The following TSPAN1 variants were observed in gnomAD, a reference collection of about 807,000 sequenced individuals.
TSPAN1 encodes tetraspanin-1.
In TSPAN1, 23 loss-of-function variants were observed where a neutral mutation model predicts 26.9. The observed-to-expected ratio is 0.85, with a 90% CI of 0.62 to 1.21. The LOEUF (loss-of-function observed/expected upper bound fraction) is 1.21, where lower values mean the gene tolerates loss of function less well. TSPAN1 is among the 50% of genes most tolerant of loss of function. TSPAN1 has a pLI of 0.00. For missense variants in TSPAN1, 283 were observed against 298.4 expected, an observed-to-expected ratio of 0.95 and a Z score of 0.38; for synonymous variants, 115 against 114.8, an observed-to-expected ratio of 1.00 and a Z score of -0.01.
Position 46,185,725 on chromosome 1 carries a change from A to G in TSPAN1, c.*192A>G, listed in dbSNP as rs575522016. On this transcript the variant is annotated 3_prime_UTR_variant, in exon 9 of 9. Transcript: ENST00000372003. ...TTAGGCGATGCCTGACTTTCCTTCC[A>G]TTGGTGGGTGGATGGGTGGGGGGCA... 1.7e-4 allele frequency: 112 copies of G among 645,328 alleles called. No homozygotes were observed. Among genetic ancestry groups the G allele is most frequent in the African/African-American group, 1.7e-3 (91 of 54,902 alleles). The allele number at this position is 645,328 out of a possible 1,614,324, so 40.0% of individuals were successfully genotyped here.
chr1:46,179,852 C>A (rs3820082), intron 1 of TSPAN1, among the ~76,000 whole-genome samples: 27,361 of 151,928 alleles, frequency 0.18, 2,692 homozygotes, highest in South Asian at 0.39. Context: ...TGTGAGGTTT[C>A]ATGGAGGGAA....
intron 1 of TSPAN1, chr1:46,176,164 CG>C: frequency 6.6e-7 from 1 of 1,519,830 alleles, no homozygotes; most frequent in Non-Finnish European, 8.8e-7. Context: ...CATGAGCCAC[CG>C]CACCCAGCCT....
chr1:46,186,036 A>C (rs1235625324), downstream of TSPAN1: 3 of 163,664 alleles, frequency 1.8e-5, no homozygotes, highest in Admixed American at 5.5e-5. Context: ...GCCAACTCAG[A>C]AGGCCCTGGA....
At chr1:46,196,134 G>C in the TSPAN1 span, 8 of 1,612,096 alleles carry the variant, frequency 5.0e-6, no homozygotes, top group Non-Finnish European at 6.8e-6. The surrounding 1 kb of genome is among the most constrained non-coding windows in gnomAD (Gnocchi z 4.4). Flanking sequence ...AGGTGTCTCT[G>C]TCTTAGGGGT....
the TSPAN1 span, chr1:46,193,264 G>A: frequency 6.2e-7 from 1 of 1,614,010 alleles, no homozygotes; most frequent in Non-Finnish European, 8.5e-7. Flanking sequence ...GTAGAAGGCA[G>A]AGCCAGGTGT....
chr1:46,185,115 G>T lies in TSPAN1; in HGVS notation c.594G>T (p.Glu198Asp). The change falls in exon 7 of 9, where the codon GAG becomes GAT. Residue 198 changes from glutamate to aspartate, a missense_variant and splice_region_variant. Physicochemically the swap from Glu to Asp is conservative, Grantham distance 45. Coordinates refer to ENST00000372003, the MANE Select transcript of TSPAN1 (RefSeq NM_005727.4). ...TKQKAHDQKVEGCFNQLLYDI... is the reference protein window; with the variant it reads ...TKQKAHDQKVDGCFNQLLYDI... Reference sequence around the variant, plus strand: ...AAAAGGCTCACGACCAAAAAGTAGAGGTGTGGGCTGGCATGAGTGGGTGGG... The same window carrying T: ...AAAAGGCTCACGACCAAAAAGTAGATGTGTGGGCTGGCATGAGTGGGTGGG... 1.2e-6 allele frequency: 2 copies of T among 1,614,240 alleles called. No individual in the cohort carries two copies. The highest frequency in any genetic ancestry group is 1.7e-6 in the Non-Finnish European group (2 of 1,180,042).
At chr1:46,188,010 C>A (rs1657475613), downstream of TSPAN1, among the ~76,000 whole-genome samples, 2 of 152,158 alleles carry the variant, frequency 1.3e-5, no homozygotes, top group Non-Finnish European at 2.9e-5. Flanking sequence ...CTTAAATGTT[C>A]TTTTCCCTGC....
At chr1:46,191,127 C>A in the TSPAN1 span, 2 of 356,200 alleles carry the variant, frequency 5.6e-6, no homozygotes, top group East Asian at 7.1e-5. Context: ...AGGTGGTGGG[C>A]AAAGGGACGG....
the TSPAN1 span, chr1:46,195,768 G>A: frequency 6.6e-7 from 1 of 1,523,710 alleles, no homozygotes; most frequent in African/African-American, 1.4e-5. Flanking sequence ...AAGCAGGGTT[G>A]GAGCTAGGGA....
the TSPAN1 span, chr1:46,194,612 A>G: frequency 6.2e-7 from 1 of 1,614,110 alleles, no homozygotes; most frequent in African/African-American, 1.3e-5. Context: ...CCAGGAAGAG[A>G]GGGCAGGTGA....
the TSPAN1 span, chr1:46,193,500 T>C: frequency 6.2e-7 from 1 of 1,613,614 alleles, no homozygotes; most frequent in Non-Finnish European, 8.5e-7. Context: ...CCCTTGCCCG[T>C]CCCTGGCAAT....
chr1:46,194,463 C>T, the TSPAN1 span: 4 of 1,613,990 alleles, frequency 2.5e-6, no homozygotes, highest in African/African-American at 5.3e-5. Context: ...GAGCCCCAGG[C>T]ACACAATCAA....
the TSPAN1 span, chr1:46,193,631 C>T: frequency 8.1e-6 from 13 of 1,614,196 alleles, 1 homozygote; most frequent in East Asian, 8.9e-5. Context: ...AAGCAGAGAG[C>T]GCAGCATCCT....
chr1:46,176,144 G>A, intron 1 of TSPAN1: 1 of 1,477,490 alleles, frequency 6.8e-7, no homozygotes, highest in Non-Finnish European at 9.1e-7. Flanking sequence ...CAAAGTGCCG[G>A]GATTACAGGC....
At chr1:46,183,839 A>G (rs1657365660) in intron 3 of TSPAN1, 2 of 375,552 alleles carry the variant, frequency 5.3e-6, no homozygotes, top group Non-Finnish European at 1.0e-5. Context: ...CCCATAGCCC[A>G]GAAAGGAAAT....
rs1197120793 is a variant in TSPAN1, at chr1:46,185,541, T to G, written c.*8T>G. Reference sequence around the variant, plus strand: ...TACTGCAATCTACAATAAGTCCACTTCTGCCTCTGCCACTACTGCTGCCAC... The same window carrying G: ...TACTGCAATCTACAATAAGTCCACTGCTGCCTCTGCCACTACTGCTGCCAC... On this transcript the variant is annotated 3_prime_UTR_variant, in exon 9 of 9. Coordinates refer to ENST00000372003, the MANE Select transcript of TSPAN1 (RefSeq NM_005727.4). 3 of 1,614,018 alleles carry G rather than the reference T, an allele frequency of 1.9e-6. No homozygotes were observed. Among genetic ancestry groups the G allele is most frequent in the Non-Finnish European group, 2.5e-6 (3 of 1,180,018 alleles).
downstream of TSPAN1, among the ~76,000 whole-genome samples, chr1:46,188,367 C>T (rs1347006865): frequency 6.6e-6 from 1 of 152,218 alleles, no homozygotes; most frequent in Non-Finnish European, 1.5e-5. Context: ...TTCTCTCCTG[C>T]TCTGTCTCTG....
In TSPAN1 at chr1:46,175,427, A is replaced by G; in HGVS notation, c.-142+18A>G. 2.5e-6 allele frequency: 1 copy of G among 393,906 alleles called. No individual in the cohort carries two copies. Among genetic ancestry groups the G allele is most frequent in the Non-Finnish European group, 4.5e-6 (1 of 223,802 alleles). The allele number at this position is 393,906 out of a possible 1,614,324, so 24.4% of individuals were successfully genotyped here. On this transcript the variant is annotated intron_variant, in intron 1 of 8. Transcript: ENST00000372003. ...CTTTCCCTGTAAGTATTCAGCCATA[A>G]CCCTCCCCTCACGCCCTGCATAGTC... is the stretch of plus-strand genomic sequence containing the variant.
chr1:46,196,112 C>T, the TSPAN1 span: 1 of 1,613,572 alleles, frequency 6.2e-7, no homozygotes, highest in Non-Finnish European at 8.5e-7. The surrounding 1 kb of genome is among the most constrained non-coding windows in gnomAD (Gnocchi z 4.4). Context: ...CAGCTTTTCA[C>T]TCTGGCATTC....
Sources: allele counts gnomAD v4.1 joint callset (sites outside exome capture counted in the v4.1 genomes callset), GRCh38; gene constraint gnomAD v4.1.1; non-coding constraint Gnocchi (gnomAD v3.1); transcripts MANE v1.5; gene names NCBI Gene and HGNC (gene_info 2026-07-23, HGNC 2026-07-21).